The following SH3KBP1 variants were observed in gnomAD, a reference collection of about 807,000 sequenced individuals.
The protein encoded by SH3KBP1 is SH3 domain containing kinase binding protein 1, also known as SH3 domain-containing kinase-binding protein 1.
Under a neutral mutation model 50.1 loss-of-function variants are expected in SH3KBP1, and 8 were observed. The ratio of observed to expected loss-of-function variants is 0.16; its 90% confidence interval spans 0.09 to 0.29. SH3KBP1 has a LOEUF of 0.29. Among genes scored for constraint, SH3KBP1 ranks in the 10% least tolerant of loss-of-function variants. The probability of loss-of-function intolerance (pLI) is 1.00; values close to 1 mark genes in which losing one functional copy is unlikely to be tolerated. For synonymous variants in SH3KBP1, 227 were observed against 218.6 expected (o/e 1.04, Z -0.34); for missense variants, 377 against 535.2 (o/e 0.70, Z 2.92).
At chrX:19,693,253 G>T (rs1039588936) in intron 5 of SH3KBP1, among the ~76,000 whole-genome samples, 1 of 111,499 alleles carries the variant, frequency 9.0e-6, no homozygotes, top group African/African-American at 3.3e-5. Flanking sequence ...ATTTGTCTCT[G>T]TATATCGTCA....
chrX:19,644,150 A>AC (rs2061935217), intron 7 of SH3KBP1, among the ~76,000 whole-genome samples: 1 of 110,988 alleles, frequency 9.0e-6, no homozygotes, highest in Admixed American at 9.6e-5. Flanking sequence ...CCCCTCTTGG[A>AC]CCCCAGAATT....
chrX:19,630,560 T>C (rs933549919), intron 8 of SH3KBP1, among the ~76,000 whole-genome samples: 3 of 111,978 alleles, frequency 2.7e-5, no homozygotes, highest in Non-Finnish European at 5.6e-5. Flanking sequence ...TACAGAGACA[T>C]ACTGAAATAA....
At chrX:19,816,583 G>C (rs1177693126) in intron 2 of SH3KBP1, among the ~76,000 whole-genome samples, 1 of 111,621 alleles carries the variant, frequency 9.0e-6, no homozygotes, top group African/African-American at 3.3e-5. Flanking sequence ...CAAGGCAGTG[G>C]ATTACTTGAG....
At chrX:19,561,443 CAA>C (rs202117806) in intron 13 of SH3KBP1, among the ~76,000 whole-genome samples, 3 of 107,776 alleles carry the variant, frequency 2.8e-5, no homozygotes, top group African/African-American at 1.0e-4. Context: ...CTATCTCTAT[CAA>C]AAAAAAAAGT....
At chrX:19,585,585 C>T (rs1017364556) in intron 12 of SH3KBP1, among the ~76,000 whole-genome samples, 2 of 111,131 alleles carry the variant, frequency 1.8e-5, no homozygotes, top group African/African-American at 6.6e-5. Context: ...ATCTGAAGCA[C>T]GAGCAGGCGC....
At chrX:19,546,166 C>T (rs145571575) in intron 14 of SH3KBP1, 116 bp from the exon 15 acceptor site, 9,448 of 881,794 alleles carry the variant, frequency 0.011, 52 homozygotes, top group South Asian at 0.027. Flanking sequence ...TGTCTTCTCA[C>T]GATAACCCTG....
At chrX:19,707,198 A>C (rs1157380372) in intron 3 of SH3KBP1, 17 of 509,295 alleles carry the variant, frequency 3.3e-5, no homozygotes, top group Middle Eastern at 3.6e-4. Flanking sequence ...TGGGTCAGAA[A>C]GGCATGGATA....
At chrX:19,691,308 C>T (rs1024221706) in intron 5 of SH3KBP1, among the ~76,000 whole-genome samples, 6 of 101,801 alleles carry the variant, frequency 5.9e-5, no homozygotes, top group South Asian at 4.4e-4. Flanking sequence ...CGCACGCATG[C>T]GCACTCAATC....
At chrX:19,795,529 G>A (rs770985321) in intron 2 of SH3KBP1, among the ~76,000 whole-genome samples, 2 of 111,162 alleles carry the variant, frequency 1.8e-5, no homozygotes, top group Non-Finnish European at 3.8e-5. Flanking sequence ...CACATTTTAC[G>A]AGGCACATTC....
chrX:19,832,158 A>G (rs1429165766), intron 2 of SH3KBP1, among the ~76,000 whole-genome samples: 1 of 112,115 alleles, frequency 8.9e-6, no homozygotes, highest in East Asian at 2.8e-4. Flanking sequence ...CCCTAGGTAG[A>G]GCAAGCATCT....
At chrX:19,549,590 C>A (rs73631349) in intron 14 of SH3KBP1, among the ~76,000 whole-genome samples, 2,284 of 111,466 alleles carry the variant, frequency 0.02, 59 homozygotes, top group African/African-American at 0.07. Flanking sequence ...TATATAGGAG[C>A]AGATCTTTAT....
rs758486199 is a variant in SH3KBP1 at position 19,856,951 on chromosome X, CTTTTTTTTTTTTTTTTTT to C, written c.5-20687_5-20670del. Among the ~76,000 whole-genome samples the C allele has an allele frequency of 3.5e-4, 7 of 20,040 alleles. No individual in the cohort carries two copies. In the East Asian group the frequency reaches 8.5e-3, roughly 24 times the overall value. 17.4% of individuals were successfully genotyped at this position (20,040 alleles called of 115,157 possible). A position where few individuals can be genotyped will look rare whatever the true frequency, so the allele number is the denominator to read the frequency against. Reference sequence around the variant, plus strand: ...CTTTTCCCCTAGAGCTAATACTAGTCTTTTTTTTTTTTTTTTTTTTTTTTTTTTTTTTTTTGCTTAGTG... The same window carrying C: ...CTTTTCCCCTAGAGCTAATACTAGTCTTTTTTTTTTTTTTTTTGCTTAGTG... On this transcript the variant is annotated intron_variant, in intron 1 of 17. Transcript: ENST00000397821.
intron 13 of SH3KBP1, among the ~76,000 whole-genome samples, chrX:19,561,060 C>A (rs1381113669): frequency 1.3e-5 from 1 of 79,283 alleles, no homozygotes; most frequent in Non-Finnish European, 2.3e-5. Context: ...GGCAACAGAG[C>A]AAGACCCTGT....
At chrX:19,541,900 C>A (rs747126874) in intron 16 of SH3KBP1, 25 bp downstream of exon 16, 2 of 1,189,236 alleles carry the variant, frequency 1.7e-6, no homozygotes, top group South Asian at 3.7e-5. Flanking sequence ...TGGGTGACGG[C>A]CCCCAAGAGT....
intron 2 of SH3KBP1, among the ~76,000 whole-genome samples, chrX:19,788,277 A>AC (rs1569472264): frequency 4.9e-5 from 5 of 102,348 alleles, no homozygotes; most frequent in African/African-American, 1.1e-4. Context: ...TCCAAAAAAA[A>AC]AAAAAAAACA....
chrX:19,697,870 A>G (rs1259633932), intron 4 of SH3KBP1, among the ~76,000 whole-genome samples: 2 of 112,184 alleles, frequency 1.8e-5, no homozygotes, highest in African/African-American at 6.5e-5. Context: ...GGAAACTTGT[A>G]GGATACAGAC....
At chrX:19,776,536 T>G (rs1234245242) in intron 2 of SH3KBP1, among the ~76,000 whole-genome samples, 2 of 77,058 alleles carry the variant, frequency 2.6e-5, no homozygotes, top group South Asian at 7.3e-4. Flanking sequence ...AACCTGGTTT[T>G]TTTTTTTTTT....
chrX:19,834,578 G>A (rs1569484976), intron 2 of SH3KBP1, among the ~76,000 whole-genome samples: 1 of 112,286 alleles, frequency 8.9e-6, no homozygotes, highest in Non-Finnish European at 1.9e-5. Flanking sequence ...TTACAACTGT[G>A]TGGTAATTTA....
chrX:19,707,271 G>A (rs2063672097), intron 3 of SH3KBP1, among the ~76,000 whole-genome samples: 1 of 111,909 alleles, frequency 8.9e-6, no homozygotes, highest in Non-Finnish European at 1.9e-5. Flanking sequence ...GGAGCACAGT[G>A]TTGCCTTAAA....
Sources: allele counts gnomAD v4.1 joint callset (sites outside exome capture counted in the v4.1 genomes callset), GRCh38; gene constraint gnomAD v4.1.1; transcripts MANE v1.5; gene names NCBI Gene and HGNC (gene_info 2026-07-23, HGNC 2026-07-21).